Variants in CLIC5 observed in about 807,000 individuals in gnomAD.
CLIC5 encodes chloride intracellular channel protein 5.
A neutral mutation model predicts 24.7 loss-of-function variants in CLIC5; 20 were observed. That is an observed-to-expected ratio of 0.81 (90% CI 0.57 to 1.18). The LOEUF (loss-of-function observed/expected upper bound fraction) is 1.18. CLIC5 is among the 50% of genes most tolerant of loss of function. The pLI, the probability that CLIC5 is intolerant of heterozygous loss-of-function variation, is 0.00. For missense variants in CLIC5, 341 were observed against 326.1 expected (o/e 1.05, Z -0.35); for synonymous variants, 159 against 135.6 (o/e 1.17, Z -1.20).
intron 1 of CLIC5, among the ~76,000 whole-genome samples, chr6:46,020,915 C>T (rs923182628): frequency 2.6e-5 from 4 of 151,650 alleles, no homozygotes; most frequent in Admixed American, 6.6e-5. Context: ...ATATTAAATT[C>T]ATAGTTGAAA....
At chr6:46,012,232 T>C (rs1425732978) in intron 1 of CLIC5, among the ~76,000 whole-genome samples, 1 of 152,196 alleles carries the variant, frequency 6.6e-6, no homozygotes, top group East Asian at 1.9e-4. Context: ...TGCTCTTGTT[T>C]TAAGAGGGCC....
chr6:46,052,070 G>A (rs1020972837), intron 1 of CLIC5, among the ~76,000 whole-genome samples: 1 of 151,252 alleles, frequency 6.6e-6, no homozygotes, highest in African/African-American at 2.4e-5. Context: ...TGATAAATTA[G>A]TCTAGTATTT....
chr6:46,119,993 T>G, the CLIC5 span, among the ~76,000 whole-genome samples: 4 of 152,332 alleles, frequency 2.6e-5, no homozygotes, highest in South Asian at 2.1e-4. Context: ...CTCTGTAGAC[T>G]CCACCTCTGG....
intron 1 of CLIC5, among the ~76,000 whole-genome samples, chr6:46,023,731 G>A (rs568403763): frequency 1.3e-5 from 2 of 152,200 alleles, no homozygotes; most frequent in Admixed American, 6.5e-5. Flanking sequence ...TTGCATCACC[G>A]TGCATTTTTG....
At position 45,914,322 on chromosome 6, in the gene CLIC5, C is replaced by A. The variant is rs951705401; in HGVS notation, c.494G>T (p.Cys165Phe). 1.2e-6 allele frequency: 2 copies of A among 1,609,946 alleles called. No individual in the cohort carries two copies. The highest frequency in any genetic ancestry group is 1.7e-6 in the Non-Finnish European group (2 of 1,177,248). The change falls in exon 5 of 6, where the codon TGT becomes TTT. Residue 165 changes from cysteine (C) to phenylalanine (F), a missense_variant. By Grantham distance (205) the Cys-to-Phe change is radical. Transcript: ENST00000339561. ...PLPEEIDANT[C>F]GEDKGSRRKF... Reference sequence around the variant, plus strand: ...GCGCCGGGACCCCTTGTCTTCCCCACAAGTGTTGGCGTCAATCTCCTCTGG... The same window carrying A: ...GCGCCGGGACCCCTTGTCTTCCCCAAAAGTGTTGGCGTCAATCTCCTCTGG...
intron 1 of CLIC5, among the ~76,000 whole-genome samples, chr6:45,984,272 G>A (rs749625684): frequency 7.9e-5 from 12 of 152,256 alleles, no homozygotes; most frequent in Non-Finnish European, 1.5e-4. Flanking sequence ...ATTAATTCTC[G>A]AGTACTTTCC....
intron 1 of CLIC5, among the ~76,000 whole-genome samples, chr6:46,047,908 T>C (rs1767997321): frequency 6.6e-6 from 1 of 152,216 alleles, no homozygotes; most frequent in African/African-American, 2.4e-5. Context: ...CCTTTTGGGA[T>C]TTTTTGATAT....
At chr6:45,944,924 C>T (rs1764243459) in intron 3 of CLIC5, among the ~76,000 whole-genome samples, 1 of 152,218 alleles carries the variant, frequency 6.6e-6, no homozygotes, top group African/African-American at 2.4e-5. Context: ...CACTTCCTTA[C>T]TTCATCAACC....
At chr6:45,998,325 A>C (rs1344000059) in intron 1 of CLIC5, among the ~76,000 whole-genome samples, 2 of 152,240 alleles carry the variant, frequency 1.3e-5, no homozygotes, top group African/African-American at 4.8e-5. Flanking sequence ...GAGGAGCAGC[A>C]TGTGTCAGCA....
intron 1 of CLIC5, among the ~76,000 whole-genome samples, chr6:46,044,503 T>A (rs555410655): frequency 6.6e-6 from 1 of 152,244 alleles, no homozygotes; most frequent in South Asian, 2.1e-4. Flanking sequence ...CACTGTGGAT[T>A]TGAGTTATTT....
chr6:46,020,980 T>C (rs906061338), intron 1 of CLIC5, among the ~76,000 whole-genome samples: 1 of 147,728 alleles, frequency 6.8e-6, no homozygotes, highest in East Asian at 2.0e-4. Context: ...TGAATTCTAC[T>C]AAACATTTTA....
At chr6:45,933,505 T>G (rs1006912219) in intron 4 of CLIC5, among the ~76,000 whole-genome samples, 1 of 152,250 alleles carries the variant, frequency 6.6e-6, no homozygotes, top group Non-Finnish European at 1.5e-5. Context: ...TCTGAGCACA[T>G]GCCCAGCACG....
chr6:45,888,029 T>C (rs563712170), intron 6 of CLIC5, among the ~76,000 whole-genome samples: 3 of 152,290 alleles, frequency 2.0e-5, no homozygotes, highest in South Asian at 2.1e-4. Flanking sequence ...CAGAATATAG[T>C]GTATGACCCT....
At chr6:45,998,638 A>G (rs774762191) in intron 1 of CLIC5, among the ~76,000 whole-genome samples, 2 of 152,188 alleles carry the variant, frequency 1.3e-5, no homozygotes, top group Non-Finnish European at 2.9e-5. Flanking sequence ...AGAATGCTTC[A>G]TTTTACAGCT....
At chr6:45,965,278 T>C (rs1221877102) in intron 1 of CLIC5, among the ~76,000 whole-genome samples, 3 of 152,222 alleles carry the variant, frequency 2.0e-5, no homozygotes, top group African/African-American at 7.2e-5. Flanking sequence ...GATACATGCA[T>C]GTCTGTTCTC....
the CLIC5 span, among the ~76,000 whole-genome samples, chr6:46,114,373 C>T: frequency 2.6e-5 from 4 of 152,154 alleles, no homozygotes; most frequent in Admixed American, 6.6e-5. Context: ...TGCTCATTAC[C>T]GTCACCCCCA....
intron 1 of CLIC5, among the ~76,000 whole-genome samples, chr6:45,980,294 G>A (rs1441122304): frequency 2.0e-5 from 3 of 152,010 alleles, no homozygotes; most frequent in Non-Finnish European, 4.4e-5. Flanking sequence ...GTTTCAGGTA[G>A]CAAATAAAGG....
intron 2 of CLIC5, 88 bp from the exon 3 acceptor site, chr6:45,949,469 C>G: frequency 7.1e-7 from 1 of 1,415,014 alleles, no homozygotes; most frequent in Non-Finnish European, 9.7e-7. Flanking sequence ...CTTAGATGCC[C>G]TGTGCTATCC....
chr6:46,126,642 T>C, the CLIC5 span, among the ~76,000 whole-genome samples: 1 of 152,240 alleles, frequency 6.6e-6, no homozygotes, highest in Non-Finnish European at 1.5e-5. Flanking sequence ...AAGGTCCTTT[T>C]CCCCTGTTAT....
Sources: gnomAD v4.1 joint callset for allele counts (sites outside exome capture counted in the v4.1 genomes callset) on GRCh38, gnomAD v4.1.1 for gene constraint, MANE v1.5 for transcripts, NCBI Gene and HGNC (gene_info 2026-07-23, HGNC 2026-07-21) for gene names.